PRCD: variants seen among roughly 807,000 people sequenced by gnomAD.
PRCD encodes photoreceptor disk component PRCD.
Under a neutral mutation model 10.1 loss-of-function variants are expected in PRCD, and 12 were observed. That is an observed-to-expected ratio of 1.18 (90% CI 0.76 to 1.92). The LOEUF (loss-of-function observed/expected upper bound fraction) is 1.92, where lower values mean the gene tolerates loss of function less well. PRCD is among the 40% of genes most tolerant of loss of function. The pLI is 0.00. For synonymous variants in PRCD, 31 were observed against 26.2 expected (o/e 1.18, Z -0.56); for missense variants, 61 against 72.2 (o/e 0.84, Z 0.56).
chr17:76,530,364 C>A lies in PRCD; in HGVS notation n.45+2531C>A, dbSNP rs1226780159. The stretch of plus-strand genomic sequence containing the variant: ...ACAGAGGGCGGCCACCCTCCTTGAG[C>A]CACCTCCTGGGCCCAGAACTGGAAG... On this transcript the variant is annotated intron_variant and non_coding_transcript_variant, in intron 1 of 4. Transcript: ENST00000397633. This position sits in a 1 kb window ranked among gnomAD's most constrained non-coding sequence, Gnocchi z 6.1. Among the ~76,000 whole-genome samples the A allele has an allele frequency of 6.6e-6, 1 of 152,122 alleles. No homozygotes were observed. Among genetic ancestry groups the A allele is most frequent in the East Asian group, 1.9e-4 (1 of 5,178 alleles).
At chr17:76,549,561 G>A (rs1415952191), downstream of PRCD, among the ~76,000 whole-genome samples, 1 of 152,220 alleles carries the variant, frequency 6.6e-6, no homozygotes, top group Non-Finnish European at 1.5e-5. Context: ...AACCAGCATG[G>A]TGGTTCCTTA....
rs2075030616 is a variant in PRCD at position 76,544,452 on chromosome 17, T to C, written c.*802T>C. 4.4e-6 allele frequency: 2 copies of C among 455,022 alleles called. No individual in the cohort carries two copies. Among genetic ancestry groups the C allele is most frequent in the East Asian group, 6.9e-5 (1 of 14,406 alleles). 28.2% of individuals were successfully genotyped at this position (455,022 alleles called of 1,614,324 possible). ...GAGGTGCACCCCGCTGGGGAGGGCC[T>C]GCTGGTACCTCGGGGAGCCTGGCTG... On this transcript the variant is annotated 3_prime_UTR_variant, in exon 5 of 5. Transcript: ENST00000592014.
rs772968282 is a variant in PRCD, at chr17:76,531,029, G to A, written n.45+3196G>A. ...CCCAGCCCACTTCCTTGTAGGCAGC[G>A]GTCACGTGGCTGTAGATGAGGCCAC... On this transcript the variant is annotated intron_variant and non_coding_transcript_variant, in intron 1 of 4. Coordinates refer to the PRCD transcript ENST00000397633. This position sits in a 1 kb window ranked among gnomAD's most constrained non-coding sequence, Gnocchi z 7.4. 1.4e-5 allele frequency: 23 copies of A among 1,613,190 alleles called. No homozygotes were observed. The highest frequency in any genetic ancestry group is 3.3e-5 in the South Asian group (3 of 91,054).
chr17:76,537,382 G>C (rs773857390), upstream of PRCD: 2 of 1,577,346 alleles, frequency 1.3e-6, no homozygotes, highest in East Asian at 2.5e-5. Context: ...GGGCCCGGCC[G>C]GGCCGGGCGA....
Position 76,544,804 on chromosome 17 carries a change from T to C in PRCD, c.*1154T>C, listed in dbSNP as rs1478430883. ...ATCCTTGCTGCCATTTCCGAGTTGC[T>C]CATCTCCTTCCACTGGTCTGAGGAA... On this transcript the variant is annotated 3_prime_UTR_variant, in exon 5 of 5. Coordinates refer to ENST00000592014, the MANE Select transcript of PRCD (RefSeq NM_001077620.3). The C allele has an allele frequency of 2.2e-6, 1 of 456,818 alleles. No individual in the cohort carries two copies. Among genetic ancestry groups the C allele is most frequent in the Non-Finnish European group, 4.4e-6 (1 of 226,994 alleles). The allele number at this position is 456,818 out of a possible 1,614,324, so 28.3% of individuals were successfully genotyped here. A position where few individuals can be genotyped will look rare whatever the true frequency, so the allele number is the denominator to read the frequency against.
intron 1 of PRCD, chr17:76,529,096 G>A (rs1214732667): frequency 8.2e-6 from 8 of 973,172 alleles, no homozygotes; most frequent in African/African-American, 3.8e-5. Context: ...GAGCAGAGAC[G>A]GCTCAATAAA....
chr17:76,547,816 T>A (rs1401130915), downstream of PRCD, among the ~76,000 whole-genome samples: 3 of 136,186 alleles, frequency 2.2e-5, no homozygotes, highest in Admixed American at 2.1e-4. Context: ...AGACACACAT[T>A]CACACACACA....
At position 76,540,422 on chromosome 17, in the gene PRCD, C is replaced by G. The variant is rs1419448787; in HGVS notation, c.75-83C>G. ...CTAGTTGCAGCCTCTACTCCCATAG[C>G]CCAATGCGGCCTGGACCTGTGGAGG... On this transcript the variant is annotated intron_variant, in intron 1 of 4. Transcript: ENST00000592014. This position sits in a 1 kb window ranked among gnomAD's most constrained non-coding sequence, Gnocchi z 5.0. The G allele has an allele frequency of 2.0e-6, 3 of 1,469,498 alleles. No homozygotes were observed. Among genetic ancestry groups the G allele is most frequent in the Middle Eastern group, 1.7e-4 (1 of 5,770 alleles). 91.0% of individuals were successfully genotyped at this position (1,469,498 alleles called of 1,614,324 possible). A position where few individuals can be genotyped will look rare whatever the true frequency, so the allele number is the denominator to read the frequency against.
chr17:76,537,604 G>C (rs1158481613), upstream of PRCD: 1 of 1,050,466 alleles, frequency 9.5e-7, no homozygotes, highest in Non-Finnish European at 1.1e-6. Context: ...GCGGGGCGCG[G>C]GGCGCGGGGC....
At chr17:76,529,512 G>T (rs2074809060) in intron 1 of PRCD, 15 of 985,454 alleles carry the variant, frequency 1.5e-5, no homozygotes, top group Non-Finnish European at 1.8e-5. Flanking sequence ...ATTCACTGGG[G>T]CTCGCGCCCA....
chr17:76,534,178 T>TC (rs1567907880), intron 1 of PRCD, among the ~76,000 whole-genome samples: 95 of 63,978 alleles, frequency 1.5e-3, no homozygotes, highest in South Asian at 7.3e-3. Context: ...CTCTCTCTCT[T>TC]TCTTTCTTTC....
At chr17:76,541,296 G>A (rs8074999) in intron 2 of PRCD, among the ~76,000 whole-genome samples, 151,262 of 152,340 alleles carry the variant, frequency 0.99, 75,107 homozygotes, top group Middle Eastern at 1. Flanking sequence ...CTCACCTAGC[G>A]TGGGAGACCT....
upstream of PRCD, among the ~76,000 whole-genome samples, chr17:76,535,857 C>G (rs2074908222): frequency 6.6e-6 from 1 of 152,208 alleles, no homozygotes; most frequent in Admixed American, 6.5e-5. Context: ...CGCACAGGTA[C>G]CTGGCAGGGG....
chr17:76,528,567 AGT>A lies in PRCD; in HGVS notation n.45+735_45+736del, dbSNP rs1225259977. ...GAGGTGCTGCCAGGGAGGGGGGTGG[AGT>A]TAGGGGTCCTACGGCCCCGAAGAGG... On this transcript the variant is annotated intron_variant and non_coding_transcript_variant, in intron 1 of 4. Coordinates refer to the PRCD transcript ENST00000397633. This position sits in a 1 kb window ranked among gnomAD's most constrained non-coding sequence, Gnocchi z 5.8. 1 of 1,233,098 alleles carries A rather than the reference AGT, an allele frequency of 8.1e-7. No homozygotes were observed. Among genetic ancestry groups the A allele is most frequent in the Non-Finnish European group, 1.0e-6 (1 of 970,788 alleles). The allele number at this position is 1,233,098 out of a possible 1,614,324, so 76.4% of individuals were successfully genotyped here. A position where few individuals can be genotyped will look rare whatever the true frequency, so the allele number is the denominator to read the frequency against.
intron 1 of PRCD, chr17:76,529,488 G>C: frequency 2.0e-6 from 2 of 985,440 alleles, no homozygotes; most frequent in Non-Finnish European, 2.4e-6. Context: ...GGGAACTTGG[G>C]CCATGTGTTT....
In PRCD at chr17:76,533,414, T is replaced by C. The variant is rs2074872098; in HGVS notation, n.45+5581T>C. 6.6e-6 allele frequency among the ~76,000 whole-genome samples: 1 copy of C among 152,134 alleles called. No homozygotes were observed. Among genetic ancestry groups the C allele is most frequent in the African/African-American group, 2.4e-5 (1 of 41,418 alleles). ...AACAAGCATCTCAGACTTTGGAGGT[T>C]TTACAATTGCAATAAAAAATAATGA... is the stretch of plus-strand genomic sequence containing the variant. On this transcript the variant is annotated intron_variant and non_coding_transcript_variant, in intron 1 of 4. Transcript: ENST00000397633. The surrounding 1 kb of genome is among the most constrained non-coding windows in gnomAD (Gnocchi z 4.5).
In PRCD at chr17:76,540,353, G is replaced by A; in HGVS notation, c.74+138G>A. On this transcript the variant is annotated intron_variant, in intron 1 of 4. Transcript: ENST00000592014. The surrounding 1 kb of genome is among the most constrained non-coding windows in gnomAD (Gnocchi z 5.0). Reference sequence around the variant, plus strand: ...GGAGGGCATTTTGAGGAACCCTTGAGAGAGCACAGTCTCAGAGCAGGGGGA... The same window carrying A: ...GGAGGGCATTTTGAGGAACCCTTGAAAGAGCACAGTCTCAGAGCAGGGGGA... 7.8e-7 allele frequency: 1 copy of A among 1,284,128 alleles called. No homozygotes were observed. The allele number at this position is 1,284,128 out of a possible 1,614,324, so 79.5% of individuals were successfully genotyped here. A position where few individuals can be genotyped will look rare whatever the true frequency, so the allele number is the denominator to read the frequency against.
At chr17:76,527,904 G>A in intron 1 of PRCD, 1 of 430,226 alleles carries the variant, frequency 2.3e-6, no homozygotes, top group South Asian at 1.6e-5. Context: ...TCAGGAATGT[G>A]GGGAGCTGGT....
downstream of PRCD, among the ~76,000 whole-genome samples, chr17:76,547,902 CAT>C (rs1218828775): frequency 5.0e-5 from 7 of 139,234 alleles, no homozygotes; most frequent in South Asian, 2.3e-4. Flanking sequence ...CACAGACACA[CAT>C]AACACATTCA....
Sources: allele counts gnomAD v4.1 joint callset (sites outside exome capture counted in the v4.1 genomes callset), GRCh38; gene constraint gnomAD v4.1.1; non-coding constraint Gnocchi (gnomAD v3.1); transcripts MANE v1.5; gene names NCBI Gene and HGNC (gene_info 2026-07-23, HGNC 2026-07-21).